PPP1CB: variants seen among roughly 807,000 people sequenced by gnomAD.
PPP1CB encodes protein phosphatase 1 catalytic subunit beta.
PPP1CB carries 2 observed loss-of-function variants against 43.7 expected under a neutral mutation model. The observed-to-expected ratio is 0.05, with a 90% CI of 0.02 to 0.14. PPP1CB has a LOEUF of 0.14. PPP1CB is among the 10% of genes least tolerant of loss of function. PPP1CB has a pLI of 1.00. For missense variants in PPP1CB, 84 were observed against 398.0 expected, an observed-to-expected ratio of 0.21 and a Z score of 6.71; for synonymous variants, 136 against 135.6, an observed-to-expected ratio of 1.00 and a Z score of -0.02.
intron 1 of PPP1CB, among the ~76,000 whole-genome samples, chr2:28,763,340 A>G (rs1465946061): frequency 6.6e-6 from 1 of 152,226 alleles, no homozygotes; most frequent in African/African-American, 2.4e-5. Flanking sequence ...TGAACAACAC[A>G]GTGACTGACT....
chr2:28,769,216 G>GA (rs1666847579), intron 1 of PPP1CB, among the ~76,000 whole-genome samples: 2 of 152,062 alleles, frequency 1.3e-5, no homozygotes, highest in African/African-American at 2.4e-5. Flanking sequence ...AGCACTGAAA[G>GA]AAAAAAAATG....
chr2:28,778,720 T>C (rs1372990049), intron 2 of PPP1CB, 89 bp from the exon 3 acceptor site: 3 of 824,366 alleles, frequency 3.6e-6, no homozygotes, highest in Non-Finnish European at 5.9e-6. Context: ...AGGGGAGGAT[T>C]ACACAGGATG....
chr2:28,795,570 C>T (rs780674881), intron 7 of PPP1CB, among the ~76,000 whole-genome samples: 1 of 152,066 alleles, frequency 6.6e-6, no homozygotes, highest in East Asian at 1.9e-4. Context: ...TGATGATGAG[C>T]ATTTTTTCAT....
At chr2:28,774,566 C>T (rs776665460) in intron 1 of PPP1CB, among the ~76,000 whole-genome samples, 4 of 152,068 alleles carry the variant, frequency 2.6e-5, no homozygotes, top group Non-Finnish European at 4.4e-5. Flanking sequence ...GCTGAGATTA[C>T]AGGCACCCGC....
At chr2:28,790,820 T>C (rs1299725781) in intron 6 of PPP1CB, among the ~76,000 whole-genome samples, 1 of 152,196 alleles carries the variant, frequency 6.6e-6, no homozygotes, top group Non-Finnish European at 1.5e-5. Flanking sequence ...AGCAAAATCA[T>C]GAAAAGTATT....
At chr2:28,768,832 GA>G (rs1022919354) in intron 1 of PPP1CB, among the ~76,000 whole-genome samples, 4 of 146,878 alleles carry the variant, frequency 2.7e-5, no homozygotes, top group South Asian at 2.1e-4. Context: ...AGTGCTGACA[GA>G]AAAAAAAAAG....
Position 28,751,848 on chromosome 2 carries a change from G to C in PPP1CB, c.-277G>C, listed in dbSNP as rs1169519450. ...GAGCTTTGCGGAGCTGGGCGGTGCC[G>C]AGGAGGAGGAGGTGGCGGCCTGGGT... On this transcript the variant is annotated 5_prime_UTR_variant, in exon 1 of 8. Transcript: ENST00000395366. 3 of 518,870 alleles carry C rather than the reference G, an allele frequency of 5.8e-6. No homozygotes were observed. In the African/African-American group the frequency reaches 5.9e-5, roughly 10 times the overall value. The allele number at this position is 518,870 out of a possible 1,614,324, so 32.1% of individuals were successfully genotyped here.
chr2:28,767,682 T>G (rs936066977), intron 1 of PPP1CB, among the ~76,000 whole-genome samples: 11 of 152,220 alleles, frequency 7.2e-5, no homozygotes, highest in African/African-American at 2.2e-4. Flanking sequence ...TGTCCAGTGA[T>G]AAATAAGTGG....
At chr2:28,798,792 A>G (rs993216866) in intron 7 of PPP1CB, among the ~76,000 whole-genome samples, 3 of 152,022 alleles carry the variant, frequency 2.0e-5, no homozygotes, top group African/African-American at 7.2e-5. Flanking sequence ...TTTAAGTAAA[A>G]AGATCTATTT....
chr2:28,795,439 C>G (rs773617719), intron 7 of PPP1CB, among the ~76,000 whole-genome samples: 1 of 152,202 alleles, frequency 6.6e-6, no homozygotes, highest in Non-Finnish European at 1.5e-5. Context: ...CTCCCACCAG[C>G]AATGTTTGAA....
intron 7 of PPP1CB, among the ~76,000 whole-genome samples, chr2:28,797,870 T>C (rs988552782): frequency 6.6e-5 from 10 of 152,206 alleles, no homozygotes; most frequent in African/African-American, 2.4e-4. Flanking sequence ...CTTCAGTACT[T>C]TGCTTTTGCA....
At chr2:28,754,840 C>A (rs1274038897) in intron 1 of PPP1CB, among the ~76,000 whole-genome samples, 1 of 152,110 alleles carries the variant, frequency 6.6e-6, no homozygotes, top group Admixed American at 6.6e-5. Context: ...AAAAATTTGG[C>A]AAGAATTTCT....
chr2:28,765,586 C>A (rs528101181), intron 1 of PPP1CB, among the ~76,000 whole-genome samples: 2 of 152,320 alleles, frequency 1.3e-5, no homozygotes. Flanking sequence ...GAATGAAGAT[C>A]TCACTTGTCT....
Position 28,751,894 on chromosome 2 carries a change from G to C in PPP1CB, c.-231G>C. The C allele has an allele frequency of 5.0e-6, 3 of 602,634 alleles. No individual in the cohort carries two copies. Among genetic ancestry groups the C allele is most frequent in the Non-Finnish European group, 6.0e-6 (2 of 331,422 alleles). The allele number at this position is 602,634 out of a possible 1,614,324, so 37.3% of individuals were successfully genotyped here. ...TGGGTCTGACGCGGCCCTGTTCGAG[G>C]GGGCCTCTCTTGTTTATTTATTTAT... On this transcript the variant is annotated 5_prime_UTR_variant, in exon 1 of 8. Transcript: ENST00000395366.
intron 1 of PPP1CB, among the ~76,000 whole-genome samples, chr2:28,771,328 G>C (rs1300108205): frequency 6.6e-6 from 1 of 152,096 alleles, no homozygotes; most frequent in East Asian, 1.9e-4. Context: ...TGGGATTACA[G>C]GCATGAGCCA....
chr2:28,754,783 A>G (rs1409532541), intron 1 of PPP1CB, among the ~76,000 whole-genome samples: 1 of 152,238 alleles, frequency 6.6e-6, no homozygotes, highest in African/African-American at 2.4e-5. Context: ...GCTGCCTAGC[A>G]AGAATAACTA....
Position 28,781,870 on chromosome 2 carries a change from T to C in PPP1CB, c.520+28T>C. Reference sequence around the variant, plus strand: ...AGACTAGTAAATTTGCCTTACAGATTTTTTTTTTCTTCTATTATTCGGAAA... The same window carrying C: ...AGACTAGTAAATTTGCCTTACAGATCTTTTTTTTCTTCTATTATTCGGAAA... On this transcript the variant is annotated intron_variant, in intron 4 of 7. Transcript: ENST00000395366. The C allele has an allele frequency of 4.7e-6, 7 of 1,505,188 alleles. 1 individual carries two copies. In the South Asian group the frequency reaches 7.9e-5, roughly 17 times the overall value. The allele number at this position is 1,505,188 out of a possible 1,614,324, so 93.2% of individuals were successfully genotyped here.
chr2:28,751,906 G>C lies in PPP1CB; in HGVS notation c.-219G>C, dbSNP rs1666291519. 1 of 616,044 alleles carries C rather than the reference G, an allele frequency of 1.6e-6. No homozygotes were observed. 38.2% of individuals were successfully genotyped at this position (616,044 alleles called of 1,614,324 possible). On this transcript the variant is annotated 5_prime_UTR_variant, in exon 1 of 8. Coordinates refer to ENST00000395366, the MANE Select transcript of PPP1CB (RefSeq NM_002709.3). Reference sequence around the variant, plus strand: ...GGCCCTGTTCGAGGGGGCCTCTCTTGTTTATTTATTTATTTTCCGTGGGTG... The same window carrying C: ...GGCCCTGTTCGAGGGGGCCTCTCTTCTTTATTTATTTATTTTCCGTGGGTG...
chr2:28,784,237 A>T (rs1187408446), intron 5 of PPP1CB, among the ~76,000 whole-genome samples: 1 of 152,190 alleles, frequency 6.6e-6, no homozygotes, highest in Non-Finnish European at 1.5e-5. Context: ...TTGAGTCCTT[A>T]TACCTATTTT....
Sources: gnomAD v4.1 joint callset for allele counts (sites outside exome capture counted in the v4.1 genomes callset) on GRCh38, gnomAD v4.1.1 for gene constraint, MANE v1.5 for transcripts, NCBI Gene and HGNC (gene_info 2026-07-23, HGNC 2026-07-21) for gene names.